The following PHTF2 variants were observed in gnomAD, a reference collection of about 807,000 sequenced individuals.
The protein encoded by PHTF2 is protein PHTF2.
In PHTF2, 60 loss-of-function variants were observed where a neutral mutation model predicts 101.2. The ratio of observed to expected loss-of-function variants is 0.59; its 90% CI spans 0.48 to 0.73. The LOEUF is 0.73. Ranked by LOEUF, PHTF2 falls within the 30% of genes least tolerant of loss-of-function variation. PHTF2 has a pLI of 0.00. For synonymous variants in PHTF2, 311 were observed against 307.3 expected (o/e 1.01, Z -0.13); for missense variants, 747 against 908.7 (o/e 0.82, Z 2.29).
At chr7:77,939,589 C>CAA (rs914007792) in intron 13 of PHTF2, among the ~76,000 whole-genome samples, 9,708 of 74,854 alleles carry the variant, frequency 0.13, 522 homozygotes, top group South Asian at 0.25. Flanking sequence ...GACCCTGTCT[C>CAA]AAAAAAAAAA....
rs576454917 is a variant in PHTF2 at position 77,828,261 on chromosome 7, T to C, written c.-35-11960T>C. On this transcript the variant is annotated intron_variant, in intron 1 of 19. Transcript: ENST00000416283. ...CTGATTTTTCTAAGCAGCACAGCAG[T>C]CAAATAAAACAAAAAGCCAATACAT... Among the ~76,000 whole-genome samples, 48 of 152,212 alleles carry C rather than the reference T, an allele frequency of 3.2e-4. No individual in the cohort carries two copies. In the South Asian group the frequency reaches 9.8e-3, roughly 31 times the overall value.
At position 77,943,234 on chromosome 7, in the gene PHTF2, C is replaced by T. The variant is rs372004258; in HGVS notation, c.1959+448C>T. Among the ~76,000 whole-genome samples, 12 of 152,338 alleles carry T rather than the reference C, an allele frequency of 7.9e-5. No homozygotes were observed. In the East Asian group the frequency reaches 2.1e-3, roughly 27 times the overall value. On this transcript the variant is annotated intron_variant, in intron 16 of 19. Coordinates refer to ENST00000416283, the Ensembl canonical transcript of PHTF2. ...CTCCCGGGTTCACGCCATTCTCCTG[C>T]CTCAGCCTCCTGAGTAGCTGGGACT...
chr7:77,850,473 T>TA (rs917172310), intron 2 of PHTF2, among the ~76,000 whole-genome samples: 4 of 146,244 alleles, frequency 2.7e-5, no homozygotes, highest in Admixed American at 6.9e-5. Flanking sequence ...ACCTCGTCTC[T>TA]AAAAAAAATA....
chr7:77,944,406 C>A (rs182086777), intron 16 of PHTF2, among the ~76,000 whole-genome samples: 1 of 152,246 alleles, frequency 6.6e-6, no homozygotes, highest in Admixed American at 6.5e-5. Context: ...ATGACAAGGA[C>A]GGGGGAAAAG....
intron 2 of PHTF2, among the ~76,000 whole-genome samples, chr7:77,847,861 T>G (rs891991158): frequency 2.6e-5 from 4 of 152,202 alleles, no homozygotes; most frequent in Non-Finnish European, 5.9e-5. Context: ...CCATCCCTAC[T>G]ACCCTTCCCA....
At chr7:77,928,675 CT>C (rs1562958750) in intron 11 of PHTF2, among the ~76,000 whole-genome samples, 1 of 152,146 alleles carries the variant, frequency 6.6e-6, no homozygotes, top group Non-Finnish European at 1.5e-5. Context: ...GGTTCTGCAT[CT>C]CAGGAATATT....
chr7:77,846,626 CCCCTCCCCTCCCCTT>C (rs1054978671), intron 2 of PHTF2, among the ~76,000 whole-genome samples: 1 of 131,492 alleles, frequency 7.6e-6, no homozygotes, highest in Non-Finnish European at 1.6e-5. Context: ...CCCCTTCCCT[CCCCTCCCCTCCCCTT>C]CCCTTCCGTT....
At chr7:77,947,837 C>CTTTTTTTTTCT (rs1806200086) in intron 16 of PHTF2, among the ~76,000 whole-genome samples, 10 of 73,806 alleles carry the variant, frequency 1.4e-4, no homozygotes, top group Admixed American at 1.2e-3. Context: ...TTTTTTCTTT[C>CTTTTTTTTTCT]TTTTTTTTTT....
At chr7:77,835,245 G>C (rs1795361110) in intron 1 of PHTF2, among the ~76,000 whole-genome samples, 1 of 144,202 alleles carries the variant, frequency 6.9e-6, no homozygotes, top group African/African-American at 2.6e-5. Context: ...TTGCACTCCA[G>C]CCTGGGCAAC....
At chr7:77,884,284 A>T (rs1799640718) in intron 3 of PHTF2, among the ~76,000 whole-genome samples, 1 of 152,178 alleles carries the variant, frequency 6.6e-6, no homozygotes, top group Non-Finnish European at 1.5e-5. Context: ...TGGTTACATG[A>T]TGAATTATAT....
chr7:77,905,467 A>G (rs917027622), intron 7 of PHTF2, among the ~76,000 whole-genome samples: 2 of 151,686 alleles, frequency 1.3e-5, no homozygotes, highest in African/African-American at 4.9e-5. Context: ...CTTGACCTCA[A>G]GTAATCCTCC....
chr7:77,806,673 A>G (rs1793007573), intron 1 of PHTF2, among the ~76,000 whole-genome samples: 1 of 152,040 alleles, frequency 6.6e-6, no homozygotes, highest in Admixed American at 6.6e-5. Flanking sequence ...TAATGTGATT[A>G]TTGATATTAT....
rs192667679 is a variant in PHTF2, at chr7:77,816,131, A to G, written c.-36+17160A>G. ...GATCTGTCGCCCAGGCTGAAATGCA[A>G]TGGTGCAATCTTGGCTGGCTGCAAT... On this transcript the variant is annotated intron_variant, in intron 1 of 19. Coordinates refer to ENST00000416283, the Ensembl canonical transcript of PHTF2. Among the ~76,000 whole-genome samples, 14 of 152,176 alleles carry G rather than the reference A, an allele frequency of 9.2e-5. 1 individual carries two copies. The highest frequency in any genetic ancestry group is 2.6e-4 in the Admixed American group (4 of 15,270).
chr7:77,940,223 T>C lies in PHTF2; in HGVS notation c.1661T>C (p.Ile554Thr), dbSNP rs773015961. Residue 554 changes from isoleucine to threonine, a missense_variant, in exon 14 of 20, where the codon ATA (isoleucine) becomes ACA (threonine). Around this residue, in one of 6 missense-constraint regions of PHTF2, gnomAD observed 188 missense variants for 286.5 expected, o/e 0.66. Transcript: ENST00000416283. ...GATGTCATAGTTCTTTCTATGGTTA[T>C]AATAAGTTTTGTGGTTCGCGTGTCT... The C allele has an allele frequency of 5.6e-6, 9 of 1,613,730 alleles. No homozygotes were observed. In the Admixed American group the frequency reaches 8.3e-5, roughly 15 times the overall value.
At chr7:77,920,227 C>G in intron 9 of PHTF2, 52 bp from the exon 9 acceptor site, 2 of 939,618 alleles carry the variant, frequency 2.1e-6, no homozygotes, top group Non-Finnish European at 3.2e-6. Context: ...TATCAGTAAC[C>G]TATCCAAAAT....
At chr7:77,822,735 G>A (rs964902963) in intron 1 of PHTF2, among the ~76,000 whole-genome samples, 5 of 151,960 alleles carry the variant, frequency 3.3e-5, no homozygotes, top group African/African-American at 4.8e-5. Flanking sequence ...ATCTCATCAC[G>A]TGCATCTCCA....
At chr7:77,918,746 T>C (rs1173347260) in intron 9 of PHTF2, among the ~76,000 whole-genome samples, 4 of 152,226 alleles carry the variant, frequency 2.6e-5, no homozygotes, top group Non-Finnish European at 5.9e-5. Flanking sequence ...TGTTCCTCCC[T>C]CTCTCCATCC....
exon 20 of PHTF2, chr7:77,955,716 GATA>G (rs1434877025): frequency 6.6e-6 from 1 of 152,418 alleles, no homozygotes; most frequent in Non-Finnish European, 1.5e-5. Flanking sequence ...AGTGCCTACT[GATA>G]TTACTAAAGT....
intron 3 of PHTF2, among the ~76,000 whole-genome samples, chr7:77,891,608 G>C (rs988455161): frequency 6.7e-6 from 1 of 149,584 alleles, no homozygotes; most frequent in Non-Finnish European, 1.5e-5. Flanking sequence ...TTTTTTGTTT[G>C]AGGCAGAATA....
Sources: allele counts gnomAD v4.1 joint callset (sites outside exome capture counted in the v4.1 genomes callset), GRCh38; gene constraint gnomAD v4.1.1; regional missense constraint gnomAD v4.1.1; transcripts MANE v1.5; gene names NCBI Gene and HGNC (gene_info 2026-07-23, HGNC 2026-07-21).